DNAJC7: variants seen among roughly 807,000 people sequenced by gnomAD.
DNAJC7 encodes the protein dnaJ homolog subfamily C member 7.
Under a neutral mutation model 67.4 loss-of-function variants are expected in DNAJC7, and 18 were observed. The observed-to-expected ratio is 0.27, with a 90% CI of 0.18 to 0.40. The LOEUF (loss-of-function observed/expected upper bound fraction) is 0.40. Among genes scored for constraint, DNAJC7 ranks in the 10% least tolerant of loss-of-function variants. The pLI is 1.00. For synonymous variants in DNAJC7, 220 were observed against 207.8 expected, an observed-to-expected ratio of 1.06 and a Z score of -0.50; for missense variants, 419 against 613.8, an observed-to-expected ratio of 0.68 and a Z score of 3.35.
chr17:41,981,810 T>C, intron 12 of DNAJC7, 45 bp downstream of exon 12: 2 of 1,603,760 alleles, frequency 1.2e-6, no homozygotes, highest in Non-Finnish European at 1.7e-6. Context: ...AATTCTAACA[T>C]TCTACAGCTG....
chr17:42,008,017 TA>T (rs1386223550), intron 1 of DNAJC7, among the ~76,000 whole-genome samples: 4 of 150,556 alleles, frequency 2.7e-5, no homozygotes, highest in African/African-American at 7.3e-5. Context: ...GTTTCTTTTT[TA>T]AAAAAAAATC....
At chr17:42,002,232 A>G (rs1397802023) in intron 1 of DNAJC7, among the ~76,000 whole-genome samples, 2 of 152,230 alleles carry the variant, frequency 1.3e-5, no homozygotes, top group African/African-American at 4.8e-5. Flanking sequence ...TGGAGTAGCA[A>G]ATTCCAAAGT....
chr17:42,012,219 C>T (rs1380140352), intron 1 of DNAJC7, among the ~76,000 whole-genome samples: 1 of 152,128 alleles, frequency 6.6e-6, no homozygotes, highest in African/African-American at 2.4e-5. Context: ...GTGTAGTGGC[C>T]CACGCCTGTA....
At position 41,987,837 on chromosome 17, in the gene DNAJC7, T is replaced by A. The variant is rs1229579107; in HGVS notation, c.992A>T (p.Tyr331Phe). ...VKLDDTYIKAYLRRAQCYMDT... is the reference protein window; with the variant it reads ...VKLDDTYIKAFLRRAQCYMDT... ...CACTTACCACTGAGCTCTTCTCAAG[T>A]AGGCTTTTATGTAAGTGTCATCAAG... The change falls in exon 9 of 14, where the codon TAC (tyrosine) becomes TTC (phenylalanine). Residue 331 changes from tyrosine (Y) to phenylalanine (F), a missense_variant. By Grantham distance (22) the Tyr-to-Phe change is conservative (BLOSUM62 3). Coordinates refer to ENST00000457167, the MANE Select transcript of DNAJC7 (RefSeq NM_003315.4). 6.2e-7 allele frequency: 1 copy of A among 1,610,446 alleles called. No homozygotes were observed. The highest frequency in any genetic ancestry group is 8.5e-7 in the Non-Finnish European group (1 of 1,178,358).
chr17:42,017,178 C>A, intron 1 of DNAJC7, 162 bp downstream of exon 1: 3 of 1,538,384 alleles, frequency 2.0e-6, no homozygotes, highest in Non-Finnish European at 2.6e-6. Context: ...CCCCCAAGAG[C>A]GCCCCTTCAG....
At chr17:41,981,186 T>TTTCTTTC (rs543083988) in intron 12 of DNAJC7, among the ~76,000 whole-genome samples, 188 of 152,148 alleles carry the variant, frequency 1.2e-3, no homozygotes, top group African/African-American at 4.3e-3. Context: ...ATTTTTCTTT[T>TTTCTTTC]TTCTTTCTTC....
chr17:41,989,442 T>TCC lies in DNAJC7; in HGVS notation c.713_714dup (p.Met239GlyfsTer37). The stretch of plus-strand genomic sequence containing the variant: ...CAGGCCTTCTCGTGGTCAGGAGCCA[T>TCC]CCTGAGAGCCTGTACGAAAAACTGA... On this transcript the variant is annotated frameshift_variant, in exon 7 of 14. Coordinates refer to ENST00000457167, the MANE Select transcript of DNAJC7 (RefSeq NM_003315.4). LOFTEE classifies it high-confidence loss of function. 6.2e-7 allele frequency: 1 copy of TCC among 1,614,004 alleles called. No individual in the cohort carries two copies. The highest frequency in any genetic ancestry group is 8.5e-7 in the Non-Finnish European group (1 of 1,179,884).
At chr17:42,015,688 C>CA (rs200615579) in intron 1 of DNAJC7, 17,178 of 146,254 alleles carry the variant, frequency 0.12, 1,084 homozygotes, top group Middle Eastern at 0.16. Context: ...ACTAAAAATA[C>CA]AAAAAAAAAA....
chr17:41,995,313 C>T (rs933958244), intron 4 of DNAJC7, among the ~76,000 whole-genome samples: 3 of 152,164 alleles, frequency 2.0e-5, no homozygotes, highest in South Asian at 2.1e-4. Flanking sequence ...TCTTCACCCT[C>T]AGTTTGAACT....
At chr17:41,987,731 A>G (rs1555647083) in intron 9 of DNAJC7, 88 bp downstream of exon 9, 1 of 1,150,942 alleles carries the variant, frequency 8.7e-7, no homozygotes, top group Non-Finnish European at 1.2e-6. Context: ...ACCTCACAAC[A>G]TCTCTGGGTC....
chr17:42,005,567 G>T (rs368922661), intron 1 of DNAJC7, among the ~76,000 whole-genome samples: 2 of 152,106 alleles, frequency 1.3e-5, no homozygotes, highest in African/African-American at 4.8e-5. Flanking sequence ...GACATATCAC[G>T]TATTTGCAGA....
intron 2 of DNAJC7, among the ~76,000 whole-genome samples, chr17:41,998,361 A>C (rs2051716981): frequency 6.6e-6 from 1 of 152,114 alleles, no homozygotes; most frequent in Non-Finnish European, 1.5e-5. Flanking sequence ...AATCCCAGCT[A>C]CTCAGGTGGC....
intron 2 of DNAJC7, among the ~76,000 whole-genome samples, chr17:41,999,566 G>A (rs771919193): frequency 2.0e-5 from 3 of 151,914 alleles, no homozygotes; most frequent in African/African-American, 7.3e-5. Flanking sequence ...CGTCCCCCAG[G>A]CTGGAGTGCA....
intron 1 of DNAJC7, among the ~76,000 whole-genome samples, chr17:42,001,871 T>C (rs1211249747): frequency 6.6e-6 from 1 of 152,176 alleles, no homozygotes; most frequent in Non-Finnish European, 1.5e-5. Context: ...GCCCTACTAA[T>C]ATGAAAAGGC....
intron 13 of DNAJC7, 200 bp from the exon 14 acceptor site, chr17:41,976,970 A>G: frequency 1.5e-6 from 1 of 668,476 alleles, no homozygotes; most frequent in Non-Finnish European, 2.5e-6. Flanking sequence ...TTCTGACCTC[A>G]GCATTATCTA....
At chr17:41,982,449 T>G in intron 10 of DNAJC7, 48 bp from the exon 11 acceptor site, 1 of 1,604,476 alleles carries the variant, frequency 6.2e-7, no homozygotes, top group African/African-American at 1.3e-5. Context: ...CTCTGGTTTT[T>G]TCCTCACCAG....
intron 13 of DNAJC7, 183 bp downstream of exon 13, chr17:41,977,078 A>G: frequency 1.4e-6 from 1 of 695,892 alleles, no homozygotes; most frequent in South Asian, 1.9e-5. Flanking sequence ...TCCCAAGGCA[A>G]GGGGTGCCTG....
chr17:42,008,351 T>C (rs1555650620), intron 1 of DNAJC7, among the ~76,000 whole-genome samples: 1 of 151,188 alleles, frequency 6.6e-6, no homozygotes, highest in African/African-American at 2.4e-5. Flanking sequence ...ACAAGTGAAA[T>C]GTCAATATAA....
intron 2 of DNAJC7, among the ~76,000 whole-genome samples, chr17:42,000,016 G>A (rs1324541285): frequency 6.9e-6 from 1 of 145,516 alleles, no homozygotes; most frequent in African/African-American, 2.6e-5. Context: ...ACAGGGTTTC[G>A]TCATGTTGGC....
Sources: allele counts gnomAD v4.1 joint callset (sites outside exome capture counted in the v4.1 genomes callset), GRCh38; gene constraint gnomAD v4.1.1; transcripts MANE v1.5; gene names NCBI Gene and HGNC (gene_info 2026-07-23, HGNC 2026-07-21).